Variants in NIPA1 observed in about 807,000 individuals in gnomAD.
NIPA1 encodes NIPA magnesium transporter 1.
In NIPA1, 13 loss-of-function variants were observed where a neutral mutation model predicts 23.9. The observed-to-expected ratio is 0.54, with a 90% confidence interval of 0.35 to 0.87. NIPA1 has a LOEUF of 0.87. NIPA1 is among the 40% of genes least tolerant of loss of function. The pLI is 0.01. For synonymous variants in NIPA1, 234 were observed against 202.9 expected, an observed-to-expected ratio of 1.15 and a Z score of -1.30; for missense variants, 362 against 429.7, an observed-to-expected ratio of 0.84 and a Z score of 1.39.
At position 22,828,437 on chromosome 15, in the gene NIPA1, T is replaced by C. The variant is rs777611704; in HGVS notation, c.*4198T>C. On this transcript the variant is annotated 3_prime_UTR_variant, in exon 5 of 5. Transcript: ENST00000337435. ...TTTTAAGGGTCTGTCCTTTAGCTTA[T>C]AGGTGATGTTTCACATCTGGCCAGA... is the stretch of plus-strand genomic sequence containing the variant. 18 of 152,604 alleles carry C rather than the reference T, an allele frequency of 1.2e-4. No individual in the cohort carries two copies. Among genetic ancestry groups the C allele is most frequent in the Non-Finnish European group, 1.9e-4 (13 of 68,036 alleles). 9.5% of individuals were successfully genotyped at this position (152,604 alleles called of 1,614,324 possible).
intron 1 of NIPA1, among the ~76,000 whole-genome samples, chr15:22,799,558 AGATCACGAGGTCAGGAGATC>A (rs367814352): frequency 1.3e-5 from 2 of 152,098 alleles, no homozygotes; most frequent in African/African-American, 4.8e-5. Context: ...CAAGGTGGGC[AGATCACGAGGTCAGGAGATC>A]GAGACCATCC....
intron 1 of NIPA1, among the ~76,000 whole-genome samples, chr15:22,804,559 T>C (rs144882417): frequency 6.6e-5 from 10 of 152,286 alleles, no homozygotes; most frequent in Non-Finnish European, 1.5e-4. Flanking sequence ...CATCTTCTTG[T>C]GTGTTCTTAG....
chr15:22,786,819 C>A lies in NIPA1; in HGVS notation c.163C>A (p.Arg55Ser). The A allele has an allele frequency of 1.6e-6, 2 of 1,213,668 alleles. No homozygotes were observed. The highest frequency in any genetic ancestry group is 2.1e-6 in the Non-Finnish European group (2 of 954,334). The allele number at this position is 1,213,668 out of a possible 1,614,324, so 75.2% of individuals were successfully genotyped here. A position where few individuals can be genotyped will look rare whatever the true frequency, so the allele number is the denominator to read the frequency against. Reference protein sequence around the residue: ...TFVLQKKGIVRAKRRGTSYLT... With the variant: ...TFVLQKKGIVSAKRRGTSYLT... ...CGTGCTACAGAAGAAGGGCATCGTG[C>A]GTGCCAAGCGGCGAGGTAGGGCGGG... The change falls in exon 1 of 5, where the codon CGT (arginine) becomes AGT (serine). Residue 55 changes from arginine to serine, a missense_variant. Arg to Ser is a moderately radical substitution (Grantham distance 110). This residue lies in a region of NIPA1 where 277 missense variants were observed against 372.0 expected (regional missense o/e 0.74). Transcript: ENST00000337435.
Position 22,828,124 on chromosome 15 carries a change from C to G in NIPA1, c.*3885C>G, listed in dbSNP as rs972270077. ...TTGTTCTTTTCATGGTGTCTGACAC[C>G]GAGGGCGTTGTTCGTCCATCAGGCG... On this transcript the variant is annotated 3_prime_UTR_variant, in exon 5 of 5. Coordinates refer to ENST00000337435, the MANE Select transcript of NIPA1 (RefSeq NM_144599.5). 6.6e-6 allele frequency: 1 copy of G among 152,478 alleles called. No individual in the cohort carries two copies. Among genetic ancestry groups the G allele is most frequent in the Non-Finnish European group, 1.5e-5 (1 of 68,030 alleles). The allele number at this position is 152,478 out of a possible 1,614,324, so 9.4% of individuals were successfully genotyped here. A position where few individuals can be genotyped will look rare whatever the true frequency, so the allele number is the denominator to read the frequency against.
rs1039539630 is a variant in NIPA1, at chr15:22,820,305, C to T, written c.318-8C>T. ...TAAACTTTAATGATTTCTCTTTTTTCAATAAAGGTCCATTTTAGCTTCCTA... is the reference window on the plus strand; with the variant it reads ...TAAACTTTAATGATTTCTCTTTTTTTAATAAAGGTCCATTTTAGCTTCCTA... On this transcript the variant is annotated splice_region_variant and splice_polypyrimidine_tract_variant and intron_variant, in intron 3 of 4. Coordinates refer to ENST00000337435, the MANE Select transcript of NIPA1 (RefSeq NM_144599.5). 5 of 1,595,698 alleles carry T rather than the reference C, an allele frequency of 3.1e-6. No homozygotes were observed. Among genetic ancestry groups the T allele is most frequent in the Non-Finnish European group, 4.3e-6 (5 of 1,164,976 alleles).
At chr15:22,812,824 C>T (rs1380039044) in intron 3 of NIPA1, among the ~76,000 whole-genome samples, 2 of 152,074 alleles carry the variant, frequency 1.3e-5, no homozygotes, top group African/African-American at 2.4e-5. Context: ...TTCTCCTGGT[C>T]GTTGTCCTGG....
rs1003419894 is a variant in NIPA1 at position 22,828,220 on chromosome 15, C to T, written c.*3981C>T. 1.3e-5 allele frequency: 2 copies of T among 152,522 alleles called. No individual in the cohort carries two copies. Among genetic ancestry groups the T allele is most frequent in the Non-Finnish European group, 2.9e-5 (2 of 68,012 alleles). 9.4% of individuals were successfully genotyped at this position (152,522 alleles called of 1,614,324 possible). On this transcript the variant is annotated 3_prime_UTR_variant, in exon 5 of 5. Transcript: ENST00000337435. ...TGTATCATTGACTCCTTAACAGTGA[C>T]CTTCCTCCCAAGGACATATCCGTGT...
At position 22,797,904 on chromosome 15, in the gene NIPA1, G is replaced by A. The variant is rs562722234; in HGVS notation, c.178+11070G>A. 1.1e-4 allele frequency among the ~76,000 whole-genome samples: 17 copies of A among 150,472 alleles called. 1 individual carries two copies. The highest frequency in any genetic ancestry group is 3.9e-4 in the African/African-American group (16 of 40,924). On this transcript the variant is annotated intron_variant, in intron 1 of 4. Transcript: ENST00000337435. ...CTGTCACCCAGGCTGGAGTGCCGTG[G>A]CACAATCTCGGCTCACTGCAAGCTC...
At chr15:22,808,679 C>CTTTTTTTTTTTTTTTTTTT (rs59983551) in intron 1 of NIPA1, among the ~76,000 whole-genome samples, 2 of 128,334 alleles carry the variant, frequency 1.6e-5, no homozygotes, top group African/African-American at 3.1e-5. Flanking sequence ...TAGCAATATT[C>CTTTTTTTTTTTTTTTTTTT]TTTTTTTTGA....
intron 1 of NIPA1, among the ~76,000 whole-genome samples, chr15:22,790,456 T>C (rs578078369): frequency 4.0e-4 from 61 of 150,702 alleles, no homozygotes; most frequent in South Asian, 1.9e-3. Flanking sequence ...AGTTTTGCTT[T>C]TGTTGCCCAG....
intron 3 of NIPA1, 127 bp from the exon 4 acceptor site, chr15:22,820,186 G>C (rs749521746): frequency 8.8e-6 from 6 of 679,246 alleles, no homozygotes; most frequent in African/African-American, 3.6e-5. Context: ...AACAGAGTGG[G>C]AGGTGGTCTC....
At chr15:22,820,599 C>T in intron 4 of NIPA1, 126 bp downstream of exon 4, 1 of 795,164 alleles carries the variant, frequency 1.3e-6, no homozygotes, top group South Asian at 1.4e-5. Flanking sequence ...TGATCTGTTA[C>T]TGTAGATCTG....
intron 4 of NIPA1, among the ~76,000 whole-genome samples, chr15:22,822,528 T>C (rs1376948936): frequency 6.6e-6 from 1 of 152,136 alleles, no homozygotes; most frequent in South Asian, 2.1e-4. Flanking sequence ...TCACTTGTAT[T>C]GTTAAGAGAA....
upstream of NIPA1, chr15:22,786,311 C>A (rs555604093): frequency 6.6e-6 from 1 of 152,346 alleles, no homozygotes; most frequent in Non-Finnish European, 1.5e-5. Flanking sequence ...TGCGTCCTGC[C>A]GCGCTCCGCT....
intron 3 of NIPA1, among the ~76,000 whole-genome samples, chr15:22,817,254 C>T (rs1294622030): frequency 6.7e-6 from 1 of 149,876 alleles, no homozygotes; most frequent in Non-Finnish European, 1.5e-5. Context: ...AATCCCAGCA[C>T]TTTGGGAGGC....
At position 22,829,462 on chromosome 15, in the gene NIPA1, T is replaced by C. The variant is rs1895712613; in HGVS notation, c.*5223T>C. On this transcript the variant is annotated 3_prime_UTR_variant, in exon 5 of 5. Coordinates refer to ENST00000337435, the MANE Select transcript of NIPA1 (RefSeq NM_144599.5). ...GCACTTTACAGAAATTTAGATACTG[T>C]TTTTCAGTGGCTTGAGCGTTTTGCC... 6.6e-6 allele frequency: 1 copy of C among 152,530 alleles called. No individual in the cohort carries two copies. The highest frequency in any genetic ancestry group is 2.4e-5 in the African/African-American group (1 of 41,440). 9.4% of individuals were successfully genotyped at this position (152,530 alleles called of 1,614,324 possible).
intron 1 of NIPA1, among the ~76,000 whole-genome samples, chr15:22,791,277 AC>A (rs1021719097): frequency 3.3e-5 from 5 of 151,510 alleles, no homozygotes; most frequent in African/African-American, 1.2e-4. Flanking sequence ...CTGTTATTCC[AC>A]TCTGTATGTC....
At chr15:22,790,727 T>G (rs572097073) in intron 1 of NIPA1, among the ~76,000 whole-genome samples, 1 of 152,266 alleles carries the variant, frequency 6.6e-6, no homozygotes, top group South Asian at 2.1e-4. Context: ...ATGAAGCTCT[T>G]GTAATGCACC....
intron 1 of NIPA1, among the ~76,000 whole-genome samples, chr15:22,793,450 T>A (rs1050493633): frequency 3.9e-5 from 6 of 152,008 alleles, no homozygotes; most frequent in African/African-American, 9.7e-5. Flanking sequence ...TCTTTTTTTT[T>A]ATTTTTTTGA....
Sources: allele counts gnomAD v4.1 joint callset (sites outside exome capture counted in the v4.1 genomes callset), GRCh38; gene constraint gnomAD v4.1.1; regional missense constraint gnomAD v4.1.1; transcripts MANE v1.5; gene names NCBI Gene and HGNC (gene_info 2026-07-23, HGNC 2026-07-21).